Variants in TMEM214 observed in about 807,000 individuals in gnomAD.
TMEM214 encodes transmembrane protein 214.
Under a neutral mutation model 89.8 loss-of-function variants are expected in TMEM214, and 71 were observed. That is an observed-to-expected ratio of 0.79 (90% CI 0.65 to 0.96). The LOEUF is 0.96. TMEM214 is among the 40% of genes least tolerant of loss of function. The pLI is 0.00. For missense variants in TMEM214, 754 were observed against 843.4 expected (o/e 0.89, Z 1.31); for synonymous variants, 332 against 349.5 (o/e 0.95, Z 0.56).
rs1430448584 is a variant in TMEM214, at chr2:27,037,578, G to A, written c.1028G>A (p.Cys343Tyr). ...CCACCCAGCCTGCAGGAGCAGCTGT[G>A]TCAGCTCTACCCCCGACTGAAAGTG... ...SLTPSLQEQL[C>Y]QLYPRLKVLA... Residue 343 changes from cysteine to tyrosine, a missense_variant, in exon 9 of 17, where the codon TGT (cysteine) becomes TAT (tyrosine). Cys to Tyr is a radical substitution (Grantham distance 194). Coordinates refer to ENST00000238788, the MANE Select transcript of TMEM214 (RefSeq NM_017727.5). 2 of 1,614,020 alleles carry A rather than the reference G, an allele frequency of 1.2e-6. No individual in the cohort carries two copies. The highest frequency in any genetic ancestry group is 2.2e-5 in the East Asian group (1 of 44,890).
intron 8 of TMEM214, 40 bp downstream of exon 8, chr2:27,037,218 C>T: frequency 6.8e-7 from 1 of 1,472,690 alleles, no homozygotes; most frequent in Non-Finnish European, 9.5e-7. Context: ...GAAGGGACCA[C>T]AGCACCAGAA....
chr2:27,035,890 G>A, intron 4 of TMEM214, 80 bp from the exon 5 acceptor site: 1 of 1,583,068 alleles, frequency 6.3e-7, no homozygotes, highest in Non-Finnish European at 8.7e-7. Context: ...TGGGGCCTGG[G>A]CTCACCGCTG....
rs759748580 is a variant in TMEM214, at chr2:27,040,113, C to G, written c.1706C>G (p.Thr569Ser). ...RPSLQLAWAH[T>S]NATVSFLSAH... is the part of the protein sequence containing the mutation. ...AGCTTGCAGCTGGCCTGGGCTCACA[C>G]CAATGCCACAGTCAGCTTCCTTTCT... The change falls in exon 15 of 17, where the codon ACC (threonine) becomes AGC (serine). Residue 569 changes from threonine to serine, a missense_variant. Thr to Ser is a moderately conservative substitution (Grantham distance 58). Coordinates refer to ENST00000238788, the MANE Select transcript of TMEM214 (RefSeq NM_017727.5). 2 of 1,609,316 alleles carry G rather than the reference C, an allele frequency of 1.2e-6. No homozygotes were observed. Among genetic ancestry groups the G allele is most frequent in the Non-Finnish European group, 1.7e-6 (2 of 1,180,032 alleles).
chr2:27,039,079 G>T lies in TMEM214; in HGVS notation c.1440G>T (p.Leu480=), dbSNP rs1207855255. 3 of 1,613,752 alleles carry T rather than the reference G, an allele frequency of 1.9e-6. No individual in the cohort carries two copies. Among genetic ancestry groups the T allele is most frequent in the Admixed American group, 1.7e-5 (1 of 60,028 alleles). ...TGCAGCAGGTTCAGGGTCCTCGGCT[G>T]CCCTGGACGCGGCTCCTCCTGTTGC... ...GLLQQVQGPR[L]PWTRLLLLLL... The change falls in exon 13 of 17, where the codon CTG becomes CTT. Residue 480 remains leucine, a synonymous_variant. Coordinates refer to ENST00000238788, the MANE Select transcript of TMEM214 (RefSeq NM_017727.5).
chr2:27,033,200 G>A lies in TMEM214; in HGVS notation c.151+34G>A, dbSNP rs1667407221. On this transcript the variant is annotated intron_variant, in intron 1 of 16. Transcript: ENST00000238788. ...CCGCCCTGCCCCGCCGCCTACCCCA[G>A]GCCTGTCCGGCAGGGTCGCAGCGAG... 3.2e-6 allele frequency: 4 copies of A among 1,242,144 alleles called. No homozygotes were observed. The East Asian group carries it at 1.3e-4, about 40-fold the overall frequency. 76.9% of individuals were successfully genotyped at this position (1,242,144 alleles called of 1,614,324 possible).
chr2:27,040,629 G>C, intron 16 of TMEM214, 82 bp from the exon 17 acceptor site: 1 of 1,592,760 alleles, frequency 6.3e-7, no homozygotes, highest in Non-Finnish European at 8.5e-7. Context: ...CTGGGATGAG[G>C]GTTGTGGGTC....
chr2:27,038,551 G>C lies in TMEM214; in HGVS notation c.1293+19G>C, dbSNP rs758077789. On this transcript the variant is annotated intron_variant, in intron 11 of 16. Coordinates refer to ENST00000238788, the MANE Select transcript of TMEM214 (RefSeq NM_017727.5). The surrounding 1 kb of genome is among the most constrained non-coding windows in gnomAD (Gnocchi z 4.4). ...CAAGAAGGTGAGGAGCTGGGAGGAC[G>C]TGGCAGGTTGAGCCCTGTCTGGATT... 4.3e-6 allele frequency: 7 copies of C among 1,613,884 alleles called. No homozygotes were observed. The highest frequency in any genetic ancestry group is 5.9e-6 in the Non-Finnish European group (7 of 1,179,920).
intron 14 of TMEM214, 91 bp from the exon 15 acceptor site, chr2:27,039,939 C>A: frequency 6.3e-7 from 1 of 1,594,842 alleles, no homozygotes. Flanking sequence ...ATTCTCCTTT[C>A]CCACGGCCTC....
At chr2:27,037,886 C>T (rs546431673) in intron 9 of TMEM214, 184 bp downstream of exon 9, 1 of 1,553,754 alleles carries the variant, frequency 6.4e-7, no homozygotes, top group South Asian at 1.2e-5. Flanking sequence ...AGAGACAGCA[C>T]ATTCAGGTCT....
In TMEM214 at chr2:27,040,529, C is replaced by G. The variant is rs753831646; in HGVS notation, c.1943+33C>G. 12 of 1,606,602 alleles carry G rather than the reference C, an allele frequency of 7.5e-6. No individual in the cohort carries two copies. In the East Asian group the frequency reaches 2.2e-4, roughly 30 times the overall value. On this transcript the variant is annotated intron_variant, in intron 16 of 16. Transcript: ENST00000238788. ...CTTTGCCCAGGGCTCCGGCAGGATC[C>G]CCAGCAGCCCCATTCCCGGGCCCCA...
At chr2:27,039,658 G>C (rs763988754) in intron 13 of TMEM214, 83 bp from the exon 14 acceptor site, 4 of 1,207,856 alleles carry the variant, frequency 3.3e-6, no homozygotes, top group Non-Finnish European at 4.9e-6. Context: ...GCCTCGCTGT[G>C]CCTGCTCTGG....
At position 27,039,748 on chromosome 2, in the gene TMEM214, T is replaced by C. The variant is rs762473561; in HGVS notation, c.1533T>C (p.Leu511=). The part of the protein sequence containing the change: ...LRSHSSFQAS[L]TGRLLRSSGF... ...GAGGCCCCCTTTACTTAGCCTCCCT[T>C]ACTGGCCGGTTGCTTCGATCATCTG... The change falls in exon 14 of 17, where the codon CTT becomes CTC. Residue 511 remains leucine, a synonymous_variant. Coordinates refer to ENST00000238788, the MANE Select transcript of TMEM214 (RefSeq NM_017727.5). 1.2e-6 allele frequency: 2 copies of C among 1,614,202 alleles called. No homozygotes were observed. The highest frequency in any genetic ancestry group is 1.7e-6 in the Non-Finnish European group (2 of 1,180,028).
intron 5 of TMEM214, 119 bp from the exon 6 acceptor site, chr2:27,036,368 C>T: frequency 1.1e-6 from 1 of 887,258 alleles, no homozygotes; most frequent in African/African-American, 1.6e-5. Flanking sequence ...CCATAGTGCT[C>T]CACTCTTGCT....
intron 4 of TMEM214, 94 bp from the exon 5 acceptor site, chr2:27,035,876 G>A: frequency 6.3e-7 from 1 of 1,577,264 alleles, no homozygotes; most frequent in African/African-American, 1.3e-5. Context: ...GGAGTCAGTG[G>A]ACCTGGGGCC....
rs200210509 is a variant in TMEM214 at position 27,038,741 on chromosome 2, C to T, written c.1333C>T (p.Leu445Phe). The T allele has an allele frequency of 3.5e-5, 56 of 1,614,062 alleles. No individual in the cohort carries two copies. In the East Asian group the frequency reaches 1.2e-3, roughly 35 times the overall value. The change falls in exon 12 of 17, where the codon CTT (leucine) becomes TTT (phenylalanine). Residue 445 changes from leucine to phenylalanine, a missense_variant. Physicochemically the swap from Leu to Phe is conservative, Grantham distance 22. Coordinates refer to ENST00000238788, the MANE Select transcript of TMEM214 (RefSeq NM_017727.5). This position sits in a 1 kb window ranked among gnomAD's most constrained non-coding sequence, Gnocchi z 4.4. Reference protein sequence around the residue: ...SLQETIQSLKLTNQELLRKGS... With the variant: ...SLQETIQSLKFTNQELLRKGS... ...GCAAGAAACCATTCAGTCCCTCAAGCTTACCAACCAGGAGCTGCTGAGGAA... is the reference window on the plus strand; with the variant it reads ...GCAAGAAACCATTCAGTCCCTCAAGTTTACCAACCAGGAGCTGCTGAGGAA...
Position 27,038,175 on chromosome 2 carries a change from G to A in TMEM214, c.1182G>A (p.Thr394=), listed in dbSNP as rs1160268847. 6.2e-6 allele frequency: 10 copies of A among 1,614,124 alleles called. No homozygotes were observed. Among genetic ancestry groups the A allele is most frequent in the Non-Finnish European group, 3.4e-6 (4 of 1,180,016 alleles). Residue 394 remains threonine (T), a synonymous_variant, in exon 10 of 17, where the codon ACG becomes ACA. Coordinates refer to ENST00000238788, the MANE Select transcript of TMEM214 (RefSeq NM_017727.5). The surrounding 1 kb of genome is among the most constrained non-coding windows in gnomAD (Gnocchi z 4.4). ...TGAGCAGCCTGACTGAGTGCCTGAC[G>A]GTGGACCCCCTCAGTGCCAGCGTCT... is the stretch of plus-strand genomic sequence containing the variant. ...ELLSSLTECL[T]VDPLSASVWR...
Position 27,038,596 on chromosome 2 carries a change from TC to T in TMEM214, c.1293+66del. 1 of 1,607,878 alleles carries T rather than the reference TC, an allele frequency of 6.2e-7. No individual in the cohort carries two copies. The highest frequency in any genetic ancestry group is 8.5e-7 in the Non-Finnish European group (1 of 1,175,102). On this transcript the variant is annotated intron_variant, in intron 11 of 16. Transcript: ENST00000238788. This position sits in a 1 kb window ranked among gnomAD's most constrained non-coding sequence, Gnocchi z 4.4. ...TGGATTCTAGGTTCTGAGTGGGGGCTCCTCAGCCACTGTCCCTTCCCTGAGA... is the reference window on the plus strand; with the variant it reads ...TGGATTCTAGGTTCTGAGTGGGGGCTCTCAGCCACTGTCCCTTCCCTGAGA...
chr2:27,039,420 T>G lies in TMEM214; in HGVS notation c.1525+256T>G, dbSNP rs184663764. ...GTAGGTGTTACCTCCTTTTAACTCCTGAGGAAATGGTCTCAGAAAGATGTA... is the reference window on the plus strand; with the variant it reads ...GTAGGTGTTACCTCCTTTTAACTCCGGAGGAAATGGTCTCAGAAAGATGTA... On this transcript the variant is annotated intron_variant, in intron 13 of 16. Transcript: ENST00000238788. 8 of 590,800 alleles carry G rather than the reference T, an allele frequency of 1.4e-5. No individual in the cohort carries two copies. In the East Asian group the frequency reaches 2.0e-4, roughly 14 times the overall value. 36.6% of individuals were successfully genotyped at this position (590,800 alleles called of 1,614,324 possible).
At position 27,037,458 on chromosome 2, in the gene TMEM214, G is replaced by C; in HGVS notation, c.1011-103G>C. ...CAGAGCCATTGCAAGGTCCTCAGTG[G>C]CTATTCCCCACAGGCAGGCATGGGC... is the stretch of plus-strand genomic sequence containing the variant. On this transcript the variant is annotated intron_variant, in intron 8 of 16. Coordinates refer to ENST00000238788, the MANE Select transcript of TMEM214 (RefSeq NM_017727.5). 6 of 1,430,732 alleles carry C rather than the reference G, an allele frequency of 4.2e-6. No individual in the cohort carries two copies. In the South Asian group the frequency reaches 7.4e-5, roughly 18 times the overall value. The allele number at this position is 1,430,732 out of a possible 1,614,324, so 88.6% of individuals were successfully genotyped here.
Sources: gnomAD v4.1 joint callset for allele counts on GRCh38, gnomAD v4.1.1 for gene constraint, Gnocchi (gnomAD v3.1) non-coding constraint, MANE v1.5 for transcripts, NCBI Gene and HGNC (gene_info 2026-07-23, HGNC 2026-07-21) for gene names.